LRP12: variants seen among roughly 807,000 people sequenced by gnomAD.
LRP12 encodes low-density lipoprotein receptor-related protein 12.
Under a neutral mutation model 66.0 loss-of-function variants are expected in LRP12, and 14 were observed. The ratio of observed to expected loss-of-function variants is 0.21; its 90% confidence interval spans 0.14 to 0.33. The LOEUF (loss-of-function observed/expected upper bound fraction) is 0.33, where lower values mean the gene tolerates loss of function less well. Among genes scored for constraint, LRP12 ranks in the 10% least tolerant of loss-of-function variants. The pLI, the probability that LRP12 is intolerant of heterozygous loss-of-function variation, is 1.00. For missense variants in LRP12, 889 were observed against 1,053.4 expected (o/e 0.84, Z 2.16); for synonymous variants, 357 against 359.1 (o/e 0.99, Z 0.07).
chr8:104,558,668 C>T (rs901451659), intron 1 of LRP12, among the ~76,000 whole-genome samples: 6 of 151,962 alleles, frequency 3.9e-5, no homozygotes, highest in Admixed American at 6.6e-5. Context: ...AGTAAACAGA[C>T]AACCCACAGA....
chr8:104,515,015 C>T (rs973912663), intron 2 of LRP12, among the ~76,000 whole-genome samples: 5 of 151,962 alleles, frequency 3.3e-5, no homozygotes, highest in African/African-American at 1.2e-4. Context: ...ATTATGCACT[C>T]GAAAGAATGA....
intron 3 of LRP12, chr8:104,508,044 C>CT (rs1316201145): frequency 2.6e-5 from 4 of 152,188 alleles, no homozygotes; most frequent in South Asian, 2.1e-4. Context: ...TCTATGCCTC[C>CT]TACCCATACA....
chr8:104,575,549 G>A (rs1812152840), intron 1 of LRP12, among the ~76,000 whole-genome samples: 2 of 152,088 alleles, frequency 1.3e-5, no homozygotes, highest in Non-Finnish European at 2.9e-5. Flanking sequence ...CAGAAATGAA[G>A]TCAGTCAGCT....
Position 104,589,176 on chromosome 8 carries a change from G to T in LRP12, c.-279C>A, listed in dbSNP as rs1035689164. 6.6e-6 allele frequency among the ~76,000 whole-genome samples: 1 copy of T among 151,000 alleles called. No individual in the cohort carries two copies. The highest frequency in any genetic ancestry group is 1.5e-5 in the Non-Finnish European group (1 of 67,726). The stretch of plus-strand genomic sequence containing the variant: ...GGGGGCAAGGGCAAGGAGCTCGCGC[G>T]CCAGCGCGAGACGAGAGGGTGGCGG... On this transcript the variant is annotated 5_prime_UTR_variant, in exon 1 of 7. Coordinates refer to ENST00000276654, the MANE Select transcript of LRP12 (RefSeq NM_013437.5).
chr8:104,508,931 A>G lies in LRP12; in HGVS notation c.272+8T>C, dbSNP rs1810948181. 6.2e-7 allele frequency: 1 copy of G among 1,607,412 alleles called. No individual in the cohort carries two copies. The highest frequency in any genetic ancestry group is 2.2e-5 in the East Asian group (1 of 44,818). On this transcript the variant is annotated splice_region_variant and intron_variant, in intron 3 of 6. Transcript: ENST00000276654. ...AAATTATATAGTAATACAGAAAGGT[A>G]GAATTACCTTATAGTAATGATTTCG...
chr8:104,519,982 T>A (rs796785036), intron 2 of LRP12, among the ~76,000 whole-genome samples: 2 of 151,538 alleles, frequency 1.3e-5, no homozygotes, highest in East Asian at 3.9e-4. Flanking sequence ...ACAATCAAAC[T>A]ATAATCAAGG....
At chr8:104,567,516 CA>C (rs2140891893) in intron 1 of LRP12, among the ~76,000 whole-genome samples, 1 of 152,054 alleles carries the variant, frequency 6.6e-6, no homozygotes, top group East Asian at 1.9e-4. Context: ...GGGATGCAGC[CA>C]AACCAAATCA....
chr8:104,588,741 C>T, intron 1 of LRP12, 78 bp downstream of exon 1: 4 of 1,299,346 alleles, frequency 3.1e-6, no homozygotes, highest in Non-Finnish European at 4.3e-6. Context: ...TCCAGGGGAA[C>T]CCCCGTCCTG....
chr8:104,565,558 A>G (rs770032042), intron 1 of LRP12, among the ~76,000 whole-genome samples: 1 of 151,820 alleles, frequency 6.6e-6, no homozygotes, highest in Non-Finnish European at 1.5e-5. Context: ...CTGTGTACCC[A>G]TAAAAATATA....
In LRP12 at chr8:104,554,529, A is replaced by G. The variant is rs769909782; in HGVS notation, c.80-22566T>C. ...GAACAAGTAGAAGAAAAAACTTCAG[A>G]GCTTGAAGACAAGGCTTTCAAATTA... On this transcript the variant is annotated intron_variant, in intron 1 of 6. Transcript: ENST00000276654. Among the ~76,000 whole-genome samples, 52 of 152,140 alleles carry G rather than the reference A, an allele frequency of 3.4e-4. 1 individual carries two copies. Among genetic ancestry groups the G allele is most frequent in the Non-Finnish European group, 7.4e-5 (5 of 68,018 alleles).
intron 5 of LRP12, 147 bp downstream of exon 5, chr8:104,496,825 T>C (rs1483204880): frequency 4.0e-6 from 3 of 747,336 alleles, no homozygotes; most frequent in Non-Finnish European, 5.7e-6. Flanking sequence ...CTCGGGTTTT[T>C]CACGCTAATT....
At chr8:104,587,809 A>G (rs529452664) in intron 1 of LRP12, among the ~76,000 whole-genome samples, 1 of 152,372 alleles carries the variant, frequency 6.6e-6, no homozygotes, top group Non-Finnish European at 1.5e-5. Flanking sequence ...AAATTTACCA[A>G]AGTAATGATA....
At chr8:104,543,735 A>T (rs1811512542) in intron 1 of LRP12, among the ~76,000 whole-genome samples, 1 of 152,204 alleles carries the variant, frequency 6.6e-6, no homozygotes, top group Admixed American at 6.5e-5. Context: ...CAGCCTTGAC[A>T]ACATGGTGAA....
chr8:104,504,243 CTT>C (rs1312359011), intron 3 of LRP12: 6 of 151,960 alleles, frequency 3.9e-5, no homozygotes, highest in Non-Finnish European at 8.8e-5. Flanking sequence ...TTTATCTTCT[CTT>C]TTTCTTCAGT....
At chr8:104,521,918 G>A (rs903661459) in intron 2 of LRP12, among the ~76,000 whole-genome samples, 2 of 151,748 alleles carry the variant, frequency 1.3e-5, no homozygotes, top group African/African-American at 4.8e-5. Flanking sequence ...ACATAGGAAA[G>A]GTGCAAAGGA....
intron 1 of LRP12, among the ~76,000 whole-genome samples, chr8:104,575,390 G>C (rs1247404018): frequency 6.6e-6 from 1 of 152,206 alleles, no homozygotes; most frequent in African/African-American, 2.4e-5. Context: ...TCTGCCACAG[G>C]TGCTGCAAGT....
At position 104,530,073 on chromosome 8, in the gene LRP12, T is replaced by C. The variant is rs1214586904; in HGVS notation, c.136+1834A>G. Among the ~76,000 whole-genome samples the C allele has an allele frequency of 2.6e-5, 4 of 152,194 alleles. No individual in the cohort carries two copies. In the East Asian group the frequency reaches 5.8e-4, roughly 22 times the overall value. On this transcript the variant is annotated intron_variant, in intron 2 of 6. Transcript: ENST00000276654. ...ACAATGCTGTTCTTATTGTTTTTTG[T>C]TTTGAAATATATATTTTTCATAAAA...
At chr8:104,546,488 A>T (rs1357564645) in intron 1 of LRP12, among the ~76,000 whole-genome samples, 2 of 152,148 alleles carry the variant, frequency 1.3e-5, no homozygotes, top group Non-Finnish European at 2.9e-5. Flanking sequence ...TTCATGATGT[A>T]TTATTAAATC....
At chr8:104,584,415 A>AG (rs893527294) in intron 1 of LRP12, among the ~76,000 whole-genome samples, 1 of 151,938 alleles carries the variant, frequency 6.6e-6, no homozygotes, top group Non-Finnish European at 1.5e-5. Context: ...ATCTCATATC[A>AG]GAAACACAAA....
Sources: gnomAD v4.1 joint callset for allele counts (sites outside exome capture counted in the v4.1 genomes callset) on GRCh38, gnomAD v4.1.1 for gene constraint, MANE v1.5 for transcripts, NCBI Gene and HGNC (gene_info 2026-07-23, HGNC 2026-07-21) for gene names.